The following NDOR1 variants were observed in gnomAD, a reference collection of about 807,000 sequenced individuals.
The protein encoded by NDOR1 is NADPH dependent diflavin oxidoreductase 1.
A neutral mutation model predicts 67.2 loss-of-function variants in NDOR1; 61 were observed. That is an observed-to-expected ratio of 0.91 (90% CI 0.74 to 1.12). The LOEUF (loss-of-function observed/expected upper bound fraction) is 1.12, where lower values mean the gene tolerates loss of function less well. Ranked by LOEUF, NDOR1 falls within the 50% of genes most tolerant of loss-of-function variation. NDOR1 has a pLI of 0.00. For missense variants in NDOR1, 878 were observed against 802.8 expected, an observed-to-expected ratio of 1.09 and a Z score of -1.13; for synonymous variants, 378 against 343.7, an observed-to-expected ratio of 1.10 and a Z score of -1.10.
intron 2 of NDOR1, among the ~76,000 whole-genome samples, chr9:137,209,182 A>G (rs1460151039): frequency 6.6e-6 from 1 of 152,126 alleles, no homozygotes; most frequent in Non-Finnish European, 1.5e-5. Context: ...CACCCGGCCA[A>G]AACTTGGCAT....
intron 10 of NDOR1, 36 bp from the exon 11 acceptor site, chr9:137,215,623 T>C (rs1027201954): frequency 6.3e-7 from 1 of 1,588,170 alleles, no homozygotes; most frequent in African/African-American, 1.4e-5. Flanking sequence ...AGCACAGGTC[T>C]TTGATCCTCT....
rs144580113 is a variant in NDOR1 at position 137,214,866 on chromosome 9, A to G, written c.913A>G (p.Ile305Val). Residue 305 changes from isoleucine (I) to valine (V), a missense_variant, in exon 8 of 14, where the codon ATC becomes GTC. Transcript: ENST00000684003. ...GCACCTCGTGTCCCACTACCTGGAC[A>G]TCGCCAGCGTGCCTCGCCGCTCCTT... ...MRHLVSHYLD[I>V]ASVPRRSFFE... is the part of the protein sequence containing the mutation. The G allele has an allele frequency of 5.6e-6, 9 of 1,610,560 alleles. No homozygotes were observed. Among genetic ancestry groups the G allele is most frequent in the South Asian group, 4.4e-5 (4 of 91,090 alleles).
rs552720152 is a variant in NDOR1, at chr9:137,219,210, G to C, written c.*2794G>C. 1 of 152,422 alleles carries C rather than the reference G, an allele frequency of 6.6e-6. No homozygotes were observed. Among genetic ancestry groups the C allele is most frequent in the East Asian group, 1.9e-4 (1 of 5,178 alleles). 9.4% of individuals were successfully genotyped at this position (152,422 alleles called of 1,614,324 possible). A position where few individuals can be genotyped will look rare whatever the true frequency, so the allele number is the denominator to read the frequency against. On this transcript the variant is annotated 3_prime_UTR_variant, in exon 14 of 14. Coordinates refer to ENST00000684003, the MANE Select transcript of NDOR1 (RefSeq NM_014434.4). ...GTTGGCGCTGGCCTGTGTTGCAGGGGACAAGGGCCCACCCAGGCCTTGGAA... is the reference window on the plus strand; with the variant it reads ...GTTGGCGCTGGCCTGTGTTGCAGGGCACAAGGGCCCACCCAGGCCTTGGAA...
At chr9:137,209,552 G>A (rs1056354996) in intron 2 of NDOR1, among the ~76,000 whole-genome samples, 2 of 152,184 alleles carry the variant, frequency 1.3e-5, no homozygotes, top group Non-Finnish European at 2.9e-5. Flanking sequence ...CCCACAGCGG[G>A]AACTGGGAGC....
At chr9:137,214,166 G>A (rs748273938) in intron 5 of NDOR1, 38 bp from the exon 6 acceptor site, 1 of 1,576,970 alleles carries the variant, frequency 6.3e-7, no homozygotes, top group Non-Finnish European at 8.6e-7. Flanking sequence ...CGGCCCCTGG[G>A]GAGTGGGTCC....
rs1156296249 is a variant in NDOR1, at chr9:137,206,024, T to A, written c.135+112T>A. 1.0e-5 allele frequency: 15 copies of A among 1,484,134 alleles called. No individual in the cohort carries two copies. In the Admixed American group the frequency reaches 3.5e-4, roughly 35 times the overall value. The allele number at this position is 1,484,134 out of a possible 1,614,324, so 91.9% of individuals were successfully genotyped here. The stretch of plus-strand genomic sequence containing the variant: ...TTTTCTCTGAGAGCGGGTCTTTCCC[T>A]TATGGCGGATTTAGGGAAGGAGGTT... On this transcript the variant is annotated intron_variant, in intron 1 of 13. Transcript: ENST00000684003.
At position 137,212,723 on chromosome 9, in the gene NDOR1, G is replaced by A. The variant is rs1835323900; in HGVS notation, c.311+124G>A. 1.2e-6 allele frequency: 1 copy of A among 835,498 alleles called. No individual in the cohort carries two copies. The highest frequency in any genetic ancestry group is 1.7e-5 in the African/African-American group (1 of 60,186). 51.8% of individuals were successfully genotyped at this position (835,498 alleles called of 1,614,324 possible). A position where few individuals can be genotyped will look rare whatever the true frequency, so the allele number is the denominator to read the frequency against. On this transcript the variant is annotated intron_variant, in intron 3 of 13. Transcript: ENST00000684003. The surrounding 1 kb of genome is among the most constrained non-coding windows in gnomAD (Gnocchi z 4.3). The stretch of plus-strand genomic sequence containing the variant: ...CTGCGCGCCTCAGGGCCCTCGCAGT[G>A]GTACTGGCTTCTCCACAACGCTCCC...
chr9:137,205,958 C>A lies in NDOR1; in HGVS notation c.135+46C>A, dbSNP rs1179188211. 7.2e-6 allele frequency: 11 copies of A among 1,525,306 alleles called. No homozygotes were observed. In the Admixed American group the frequency reaches 1.9e-4, roughly 26 times the overall value. The allele number at this position is 1,525,306 out of a possible 1,614,324, so 94.5% of individuals were successfully genotyped here. On this transcript the variant is annotated intron_variant, in intron 1 of 13. Transcript: ENST00000684003. The stretch of plus-strand genomic sequence containing the variant: ...CGGCGTGGGGGACGAGCAGGCCTGG[C>A]GTGCCCGCCTCGCGGGGTCATCGAC...
At chr9:137,216,053 G>C (rs1247532392) in intron 12 of NDOR1, 36 bp downstream of exon 12, 2 of 1,613,274 alleles carry the variant, frequency 1.2e-6, no homozygotes, top group Non-Finnish European at 1.7e-6. Flanking sequence ...GGAGGGGAGG[G>C]AGCTCCGGCT....
At position 137,215,976 on chromosome 9, in the gene NDOR1, C is replaced by G. The variant is rs201283083; in HGVS notation, c.1513C>G (p.Arg505Gly). Residue 505 changes from arginine (R) to glycine (G), a missense_variant, in exon 12 of 14, where the codon CGG (arginine) becomes GGG (glycine). Transcript: ENST00000684003. ...GGCTGAGTGGCAGGAGCTGGAGAAGCGGGACTGTCTGACCCTCATCCCTGC... is the reference window on the plus strand; with the variant it reads ...GGCTGAGTGGCAGGAGCTGGAGAAGGGGGACTGTCTGACCCTCATCCCTGC... ...WEAEWQELEKRDCLTLIPAFS... is the reference protein window; with the variant it reads ...WEAEWQELEKGDCLTLIPAFS... 6.2e-7 allele frequency: 1 copy of G among 1,613,360 alleles called. No homozygotes were observed. Among genetic ancestry groups the G allele is most frequent in the Non-Finnish European group, 8.5e-7 (1 of 1,179,992 alleles).
chr9:137,215,939 C>T lies in NDOR1; in HGVS notation c.1476C>T (p.Asp492=). 6.2e-7 allele frequency: 1 copy of T among 1,613,756 alleles called. No individual in the cohort carries two copies. Among genetic ancestry groups the T allele is most frequent in the Non-Finnish European group, 8.5e-7 (1 of 1,180,024 alleles). The change falls in exon 12 of 14, where the codon GAC becomes GAT. Residue 492 remains aspartate (D), a synonymous_variant. Transcript: ENST00000684003. ...TTGGCTGCCGCTGGCGGGACCAAGA[C>T]TTCTACTGGGAGGCTGAGTGGCAGG... ...LFFGCRWRDQ[D]FYWEAEWQEL...
intron 2 of NDOR1, among the ~76,000 whole-genome samples, chr9:137,208,224 C>T (rs1250361403): frequency 6.8e-6 from 1 of 147,648 alleles, no homozygotes; most frequent in African/African-American, 2.5e-5. Flanking sequence ...CCGAGGCAGG[C>T]AGATCACGAG....
intron 11 of NDOR1, 47 bp downstream of exon 11, chr9:137,215,852 G>C: frequency 6.2e-7 from 1 of 1,610,240 alleles, no homozygotes; most frequent in Non-Finnish European, 8.5e-7. Flanking sequence ...GGGCTCCCCA[G>C]CTGAACCTCA....
Position 137,215,026 on chromosome 9 carries a change from G to A in NDOR1, c.1065+8G>A, listed in dbSNP as rs184982760. 1.5e-4 allele frequency: 240 copies of A among 1,611,230 alleles called. No homozygotes were observed. Among genetic ancestry groups the A allele is most frequent in the Middle Eastern group, 1.3e-3 (8 of 6,056 alleles). ...CGCAGGACCATCCTGGAGGTGAGAT[G>A]GGAGGGCGGCAGGCCCAGCCCCTGA... On this transcript the variant is annotated splice_region_variant and intron_variant, in intron 8 of 13. Transcript: ENST00000684003.
At position 137,215,474 on chromosome 9, in the gene NDOR1, G is replaced by A. The variant is rs147223103; in HGVS notation, c.1241G>A (p.Arg414His). 306 of 1,601,180 alleles carry A rather than the reference G, an allele frequency of 1.9e-4. No homozygotes were observed. The highest frequency in any genetic ancestry group is 2.5e-4 in the Non-Finnish European group (297 of 1,172,752). ...VQFQTRLKEP[R>H]RGLCSSWLAS... Reference sequence around the variant, plus strand: ...TTCCAGACTCGCCTCAAGGAGCCCCGCCGGGGCCTCTGCTCCTCCTGGCTG... The same window carrying A: ...TTCCAGACTCGCCTCAAGGAGCCCCACCGGGGCCTCTGCTCCTCCTGGCTG... Residue 414 changes from arginine to histidine, a missense_variant, in exon 10 of 14, where the codon CGC becomes CAC. Coordinates refer to ENST00000684003, the MANE Select transcript of NDOR1 (RefSeq NM_014434.4).
At position 137,218,805 on chromosome 9, in the gene NDOR1, C is replaced by T; in HGVS notation, c.*2389C>T. On this transcript the variant is annotated 3_prime_UTR_variant, in exon 14 of 14. Coordinates refer to ENST00000684003, the MANE Select transcript of NDOR1 (RefSeq NM_014434.4). ...GGCCTGACCCTGCCAGAGTCCATGG[C>T]TGCACTGCTGCCCAGACACTAGCTG... 1 of 396,180 alleles carries T rather than the reference C, an allele frequency of 2.5e-6. No homozygotes were observed. The allele number at this position is 396,180 out of a possible 1,614,324, so 24.5% of individuals were successfully genotyped here. A position where few individuals can be genotyped will look rare whatever the true frequency, so the allele number is the denominator to read the frequency against.
At chr9:137,208,795 G>A (rs1288120194) in intron 2 of NDOR1, among the ~76,000 whole-genome samples, 2 of 151,100 alleles carry the variant, frequency 1.3e-5, no homozygotes, top group Non-Finnish European at 1.5e-5. Flanking sequence ...CTACACTCCA[G>A]CCTGGGCGAC....
rs1414967044 is a variant in NDOR1, at chr9:137,216,187, G to A, written c.1648G>A (p.Gly550Ser). The change falls in exon 13 of 14, where the codon GGC (glycine) becomes AGC (serine). Residue 550 changes from glycine (G) to serine (S), a missense_variant and splice_region_variant. Transcript: ENST00000684003. ...DRQGAYFYLAGNAKSMPADVS... is the reference protein window; with the variant it reads ...DRQGAYFYLASNAKSMPADVS... ...CCAGGGTGCATACTTCTACCTGGCAGGGTGAGCTGGCCTGCGTGCAGCAGG... is the reference window on the plus strand; with the variant it reads ...CCAGGGTGCATACTTCTACCTGGCAAGGTGAGCTGGCCTGCGTGCAGCAGG... The A allele has an allele frequency of 6.2e-7, 1 of 1,613,308 alleles. No homozygotes were observed. The highest frequency in any genetic ancestry group is 1.3e-5 in the African/African-American group (1 of 74,944).
intron 2 of NDOR1, among the ~76,000 whole-genome samples, chr9:137,207,595 G>A (rs556524490): frequency 6.6e-6 from 1 of 152,254 alleles, no homozygotes; most frequent in East Asian, 1.9e-4. Flanking sequence ...GGGCAGGAGA[G>A]TGACCAAGCA....
Sources: allele counts gnomAD v4.1 joint callset (sites outside exome capture counted in the v4.1 genomes callset), GRCh38; gene constraint gnomAD v4.1.1; non-coding constraint Gnocchi (gnomAD v3.1); transcripts MANE v1.5; gene names NCBI Gene and HGNC (gene_info 2026-07-23, HGNC 2026-07-21).